Variants in DCDC2C observed in about 807,000 individuals in gnomAD.
The protein encoded by DCDC2C is doublecortin domain-containing protein 2C.
Under a neutral mutation model 45.0 loss-of-function variants are expected in DCDC2C, and 44 were observed. The ratio of observed to expected loss-of-function variants is 0.98; its 90% CI spans 0.77 to 1.26. The LOEUF (loss-of-function observed/expected upper bound fraction) is 1.26, where lower values mean the gene tolerates loss of function less well. DCDC2C is among the 50% of genes most tolerant of loss of function. DCDC2C has a pLI of 0.00. For missense variants in DCDC2C, 447 were observed against 468.9 expected (o/e 0.95, Z 0.43); for synonymous variants, 187 against 178.8 (o/e 1.05, Z -0.37).
chr2:3,799,606 G>C (rs202206223), intron 10 of DCDC2C, among the ~76,000 whole-genome samples: 2 of 150,210 alleles, frequency 1.3e-5, no homozygotes, highest in Non-Finnish European at 3.0e-5. Flanking sequence ...CTCAGCTGCA[G>C]GTCTGTTGGA....
intron 4 of DCDC2C, among the ~76,000 whole-genome samples, chr2:3,747,554 G>A (rs867598621): frequency 6.6e-6 from 1 of 152,186 alleles, no homozygotes; most frequent in Admixed American, 6.5e-5. Context: ...AGCGTGTCCT[G>A]TGTGTCTTGC....
Position 3,767,783 on chromosome 2 carries a change from A to G in DCDC2C, c.756A>G (p.Lys252=). ...ACTCCAAAGGAAAAGAACCTTGTAA[A>G]TATGATGGCATACCCCCTAAAACAC... ...KVDSKGKEPC[K]YDGIPPKTQD... is the part of the protein sequence containing the mutation. Residue 252 remains lysine, a synonymous_variant, in exon 7 of 11, where the codon AAA becomes AAG. Coordinates refer to ENST00000399143, the MANE Select transcript of DCDC2C (RefSeq NM_001287444.2). 2 of 1,550,666 alleles carry G rather than the reference A, an allele frequency of 1.3e-6. No homozygotes were observed. The highest frequency in any genetic ancestry group is 1.7e-6 in the Non-Finnish European group (2 of 1,146,964).
At chr2:3,756,096 G>A (rs1669708477) in intron 6 of DCDC2C, among the ~76,000 whole-genome samples, 1 of 151,942 alleles carries the variant, frequency 6.6e-6, no homozygotes, top group African/African-American at 2.4e-5. Context: ...GTGTGTGTGT[G>A]CTGATCACAC....
At chr2:3,707,918 G>T (rs2148040010) in intron 1 of DCDC2C, among the ~76,000 whole-genome samples, 1 of 152,112 alleles carries the variant, frequency 6.6e-6, no homozygotes, top group East Asian at 1.9e-4. Flanking sequence ...TTTTAATCAG[G>T]AAGAAACCTT....
At chr2:3,774,656 A>T (rs1048572441) in intron 8 of DCDC2C, among the ~76,000 whole-genome samples, 1 of 152,114 alleles carries the variant, frequency 6.6e-6, no homozygotes, top group African/African-American at 2.4e-5. Context: ...AGCCAGGGAG[A>T]GGTGATTGAC....
At chr2:3,757,076 C>T (rs1669741898) in intron 6 of DCDC2C, among the ~76,000 whole-genome samples, 1 of 151,866 alleles carries the variant, frequency 6.6e-6, no homozygotes. Flanking sequence ...TTTTTTTGGC[C>T]TCATTTTGAA....
chr2:3,749,256 C>T (rs1454997645), intron 4 of DCDC2C, among the ~76,000 whole-genome samples: 2 of 152,180 alleles, frequency 1.3e-5, no homozygotes, highest in Admixed American at 1.3e-4. Context: ...TTAGTGCTCA[C>T]ATTTTCTGAT....
rs141667850 is a variant in DCDC2C, at chr2:3,742,102, C to CT, written c.545+57dup. On this transcript the variant is annotated intron_variant, in intron 4 of 10. Coordinates refer to ENST00000399143, the MANE Select transcript of DCDC2C (RefSeq NM_001287444.2). ...CAGGGGGCGGCAGCTTGTGTTTATT[C>CT]TTTCTATGAGAGTTTTCTGCCTGGA... 5,028 of 1,470,956 alleles carry CT rather than the reference C, an allele frequency of 3.4e-3. 147 individuals are homozygous for CT. The African/African-American group carries it at 0.061, about 18-fold the overall frequency. The allele number at this position is 1,470,956 out of a possible 1,614,324, so 91.1% of individuals were successfully genotyped here. A position where few individuals can be genotyped will look rare whatever the true frequency, so the allele number is the denominator to read the frequency against.
At chr2:3,822,729 G>T (rs1414673801) in intron 10 of DCDC2C, among the ~76,000 whole-genome samples, 1 of 151,732 alleles carries the variant, frequency 6.6e-6, no homozygotes, top group Non-Finnish European at 1.5e-5. Context: ...ACTGATTTGA[G>T]CTCTTTCTTC....
chr2:3,813,693 T>TAA (rs1012417860), intron 10 of DCDC2C, among the ~76,000 whole-genome samples: 2 of 150,704 alleles, frequency 1.3e-5, no homozygotes, highest in African/African-American at 4.9e-5. Flanking sequence ...CTTTGCTGGT[T>TAA]AAAGTCTGTT....
chr2:3,757,247 A>T (rs920903677), intron 6 of DCDC2C, among the ~76,000 whole-genome samples: 2 of 152,068 alleles, frequency 1.3e-5, no homozygotes, highest in African/African-American at 4.8e-5. Flanking sequence ...TAAACCTTTT[A>T]TCTATTTTCT....
chr2:3,797,071 T>C (rs2148196798), intron 10 of DCDC2C, among the ~76,000 whole-genome samples: 1 of 152,306 alleles, frequency 6.6e-6, no homozygotes, highest in East Asian at 1.9e-4. Flanking sequence ...TATTCAGAGA[T>C]TCAACTTCTT....
At chr2:3,845,211 A>G (rs10187912) in intron 10 of DCDC2C, among the ~76,000 whole-genome samples, 87,274 of 151,984 alleles carry the variant, frequency 0.57, 25,208 homozygotes, top group South Asian at 0.73. Context: ...TGGGAAAATT[A>G]CTTACCATAA....
At chr2:3,833,139 C>A (rs1671992491) in intron 10 of DCDC2C, among the ~76,000 whole-genome samples, 1 of 152,214 alleles carries the variant, frequency 6.6e-6, no homozygotes, top group Non-Finnish European at 1.5e-5. Context: ...CATTCTTTTG[C>A]CATCACGTTG....
intron 1 of DCDC2C, among the ~76,000 whole-genome samples, chr2:3,704,704 GGGGGA>G (rs1354555110): frequency 0.013 from 485 of 36,810 alleles, 26 homozygotes; most frequent in African/African-American, 0.06. Flanking sequence ...GTGTAGGGGA[GGGGGA>G]GGGGGGAGGG....
intron 8 of DCDC2C, among the ~76,000 whole-genome samples, chr2:3,773,344 T>C (rs969904319): frequency 1.3e-5 from 2 of 152,176 alleles, no homozygotes; most frequent in Non-Finnish European, 2.9e-5. Context: ...TTTTTGGTTA[T>C]AATAGCAGAT....
At chr2:3,762,942 TG>T (rs1035926037) in intron 6 of DCDC2C, among the ~76,000 whole-genome samples, 2 of 151,816 alleles carry the variant, frequency 1.3e-5, no homozygotes, top group African/African-American at 4.8e-5. Context: ...GGGAAGGGGA[TG>T]GGGAGGCAGG....
intron 9 of DCDC2C, among the ~76,000 whole-genome samples, chr2:3,783,417 C>A (rs890689149): frequency 6.6e-6 from 1 of 152,208 alleles, no homozygotes; most frequent in African/African-American, 2.4e-5. Context: ...TCTCTGGATC[C>A]TTCTTCCCCA....
chr2:3,705,563 C>T (rs13030620), intron 1 of DCDC2C, among the ~76,000 whole-genome samples: 43,677 of 152,102 alleles, frequency 0.29, 7,445 homozygotes, highest in Non-Finnish European at 0.39. Flanking sequence ...TATCCCAAGA[C>T]ATTTTCTTGT....
Sources: gnomAD v4.1 joint callset for allele counts (sites outside exome capture counted in the v4.1 genomes callset) on GRCh38, gnomAD v4.1.1 for gene constraint, MANE v1.5 for transcripts, NCBI Gene and HGNC (gene_info 2026-07-23, HGNC 2026-07-21) for gene names.